Variants in CHD1L observed in about 807,000 individuals in gnomAD.
CHD1L encodes ATP-dependent chromatin remodeler CHD1L.
In CHD1L, 118 loss-of-function variants were observed where a neutral mutation model predicts 115.9. That is an observed-to-expected ratio of 1.02 (90% CI 0.88 to 1.19). CHD1L has a LOEUF of 1.19. CHD1L is among the 50% of genes most tolerant of loss of function. CHD1L has a pLI of 0.00. For missense variants in CHD1L, 1,179 were observed against 1,065.3 expected (o/e 1.11, Z -1.49); for synonymous variants, 411 against 387.1 (o/e 1.06, Z -0.72).
chr1:147,265,648 A>G (rs1413732957), intron 7 of CHD1L, among the ~76,000 whole-genome samples: 4 of 152,190 alleles, frequency 2.6e-5, no homozygotes, highest in Non-Finnish European at 4.4e-5. Flanking sequence ...ATGCTGATCA[A>G]TGAGATTAAA....
chr1:147,215,822 C>T, the CHD1L span: 9 of 1,613,834 alleles, frequency 5.6e-6, no homozygotes, highest in Non-Finnish European at 6.8e-6. Flanking sequence ...AGGACCTGGG[C>T]ATTATGCATG....
the CHD1L span, among the ~76,000 whole-genome samples, chr1:147,182,266 A>G: frequency 2.0e-5 from 3 of 152,180 alleles, no homozygotes; most frequent in Non-Finnish European, 4.4e-5. Flanking sequence ...AACTTTTGTA[A>G]AGTCTCCTTA....
At chr1:147,267,643 T>C (rs1674476076) in intron 9 of CHD1L, 125 bp downstream of exon 9, 1 of 682,022 alleles carries the variant, frequency 1.5e-6, no homozygotes, top group Non-Finnish European at 2.5e-6. Context: ...TCAATTTCTC[T>C]GTATTGGTAT....
chr1:147,206,480 A>G, the CHD1L span, among the ~76,000 whole-genome samples: 2 of 152,250 alleles, frequency 1.3e-5, no homozygotes, highest in African/African-American at 4.8e-5. Context: ...TTATTGCGGC[A>G]CTATTCACAA....
chr1:147,262,195 C>CA (rs11346769), intron 6 of CHD1L, among the ~76,000 whole-genome samples: 78,462 of 126,084 alleles, frequency 0.62, 24,329 homozygotes, highest in East Asian at 0.7. Flanking sequence ...GACTCTGTCT[C>CA]AAAAAAAAAA....
intron 13 of CHD1L, among the ~76,000 whole-genome samples, 153 bp from the exon 14 acceptor site, chr1:147,275,951 C>G (rs1352850375): frequency 6.6e-6 from 1 of 152,194 alleles, no homozygotes; most frequent in African/African-American, 2.4e-5. Flanking sequence ...TTCTCTCTAA[C>G]AAGTGCTCAG....
At chr1:147,202,973 C>T in the CHD1L span, among the ~76,000 whole-genome samples, 1 of 152,164 alleles carries the variant, frequency 6.6e-6, no homozygotes, top group African/African-American at 2.4e-5. Flanking sequence ...TTAGGACCTC[C>T]TGTCTCATCC....
chr1:147,282,423 G>T (rs12070655), intron 15 of CHD1L, among the ~76,000 whole-genome samples: 4,995 of 152,174 alleles, frequency 0.033, 270 homozygotes, highest in African/African-American at 0.11. Flanking sequence ...GTACTTGTAA[G>T]TCCTAAGCTC....
chr1:147,178,056 C>G, the CHD1L span: 3 of 924,172 alleles, frequency 3.2e-6, no homozygotes, highest in East Asian at 8.8e-5. Context: ...CGCGCCCGAC[C>G]GCCGCAGTCC....
At chr1:147,181,689 A>T in the CHD1L span, among the ~76,000 whole-genome samples, 14 of 152,336 alleles carry the variant, frequency 9.2e-5, no homozygotes, top group South Asian at 4.1e-4. Flanking sequence ...TTCTCTTGTC[A>T]TGTTTAGCTG....
At chr1:147,216,955 T>C in the CHD1L span, among the ~76,000 whole-genome samples, 2 of 152,202 alleles carry the variant, frequency 1.3e-5, no homozygotes, top group Non-Finnish European at 1.5e-5. Flanking sequence ...AAACTTCCTA[T>C]TGAGGCCGGG....
intron 15 of CHD1L, among the ~76,000 whole-genome samples, chr1:147,283,094 T>A (rs1681564612): frequency 6.6e-6 from 1 of 152,200 alleles, no homozygotes; most frequent in African/African-American, 2.4e-5. Flanking sequence ...AATGCCAACA[T>A]TTTTTTAAAA....
chr1:147,234,686 G>A, the CHD1L span, among the ~76,000 whole-genome samples: 2 of 152,198 alleles, frequency 1.3e-5, no homozygotes, highest in Non-Finnish European at 2.9e-5. Context: ...TGGAGTAATA[G>A]TGAAAAATTT....
Position 147,282,984 on chromosome 1 carries a change from A to G in CHD1L, c.1706-1367A>G, listed in dbSNP as rs186256419. ...CTAGGCTTGTGATGGCAGAGTGAAG[A>G]TAGGAAGTATGATTACAAAGAATAT... is the stretch of plus-strand genomic sequence containing the variant. On this transcript the variant is annotated intron_variant, in intron 15 of 22. Transcript: ENST00000369258. Among the ~76,000 whole-genome samples, 3 of 152,348 alleles carry G rather than the reference A, an allele frequency of 2.0e-5. No homozygotes were observed. In the East Asian group the frequency reaches 5.8e-4, roughly 29 times the overall value.
At chr1:147,248,942 T>C (rs1191305934) in intron 1 of CHD1L, among the ~76,000 whole-genome samples, 1 of 152,230 alleles carries the variant, frequency 6.6e-6, no homozygotes, top group African/African-American at 2.4e-5. Flanking sequence ...GACACTGTTA[T>C]AATCTTTGCT....
chr1:147,280,142 T>C lies in CHD1L; in HGVS notation c.1656T>C (p.Ser552=). The change falls in exon 15 of 23, where the codon TCT becomes TCC. Residue 552 remains serine, a synonymous_variant. Coordinates refer to ENST00000369258, the MANE Select transcript of CHD1L (RefSeq NM_004284.6). ...LGETKDGQWV[S]DALPAAEGGS... is the part of the protein sequence containing the mutation. ...AAACAAAAGATGGCCAGTGGGTCTCTGATGCCTTGCCTGCAGCAGAAGGAG... is the reference window on the plus strand; with the variant it reads ...AAACAAAAGATGGCCAGTGGGTCTCCGATGCCTTGCCTGCAGCAGAAGGAG... 6.2e-7 allele frequency: 1 copy of C among 1,613,102 alleles called. No individual in the cohort carries two copies. Among genetic ancestry groups the C allele is most frequent in the Non-Finnish European group, 8.5e-7 (1 of 1,179,574 alleles).
At chr1:147,234,991 T>C in the CHD1L span, among the ~76,000 whole-genome samples, 7 of 152,102 alleles carry the variant, frequency 4.6e-5, no homozygotes, top group Admixed American at 2.0e-4. Flanking sequence ...AGGGCATAAA[T>C]GTATAACCAT....
At chr1:147,277,947 G>A (rs1418599105) in intron 14 of CHD1L, among the ~76,000 whole-genome samples, 5 of 152,078 alleles carry the variant, frequency 3.3e-5, no homozygotes, top group African/African-American at 1.2e-4. Context: ...TGTGATGTGG[G>A]CTGCTGGACA....
chr1:147,290,602 GT>G (rs1330055826), intron 19 of CHD1L, among the ~76,000 whole-genome samples: 2 of 151,968 alleles, frequency 1.3e-5, no homozygotes, highest in Non-Finnish European at 2.9e-5. Flanking sequence ...GTTATCAGAC[GT>G]TTATGCATTA....
Sources: gnomAD v4.1 joint callset for allele counts (sites outside exome capture counted in the v4.1 genomes callset) on GRCh38, gnomAD v4.1.1 for gene constraint, MANE v1.5 for transcripts, NCBI Gene and HGNC (gene_info 2026-07-23, HGNC 2026-07-21) for gene names.